Variants in MPP4 observed in about 807,000 individuals in gnomAD.
The protein encoded by MPP4 is MAGUK p55 scaffold protein 4, also known as MAGUK p55 subfamily member 4.
A neutral mutation model predicts 98.3 loss-of-function variants in MPP4; 91 were observed. That is an observed-to-expected ratio of 0.93 (90% CI 0.78 to 1.10). MPP4 has a LOEUF of 1.10. Among genes scored for constraint, MPP4 ranks in the 50% least tolerant of loss-of-function variants. MPP4 has a pLI of 0.00. For synonymous variants in MPP4, 261 were observed against 271.8 expected (o/e 0.96, Z 0.39); for missense variants, 744 against 792.9 (o/e 0.94, Z 0.74).
rs1234858483 is a variant in MPP4 at position 201,645,342 on chromosome 2, A to G, written c.1782T>C (p.Phe594=). 1 of 1,613,982 alleles carries G rather than the reference A, an allele frequency of 6.2e-7. No homozygotes were observed. The highest frequency in any genetic ancestry group is 8.5e-7 in the Non-Finnish European group (1 of 1,179,880). ...TGTCATTCACAATCACATGATCAAA[A>G]AATTGGCCAAACTGAGTTTCCATTC... ...AQRMETQFGQ[F]FDHVIVNDSL... Residue 594 remains phenylalanine, a synonymous_variant, in exon 22 of 22, where the codon TTT becomes TTC. Transcript: ENST00000409474.
intron 18 of MPP4, among the ~76,000 whole-genome samples, chr2:201,654,330 A>G (rs777878893): frequency 6.6e-6 from 1 of 152,230 alleles, no homozygotes; most frequent in Non-Finnish European, 1.5e-5. Flanking sequence ...TCATAAATTT[A>G]TATAAAGTTG....
chr2:201,656,026 A>G (rs1687836397), intron 17 of MPP4, among the ~76,000 whole-genome samples, 172 bp downstream of exon 17: 4 of 152,262 alleles, frequency 2.6e-5, no homozygotes, highest in Admixed American at 2.6e-4. Flanking sequence ...GCTTGATACA[A>G]TAAAATGTTA....
At chr2:201,672,098 A>G (rs899799956) in intron 11 of MPP4, among the ~76,000 whole-genome samples, 1 of 152,246 alleles carries the variant, frequency 6.6e-6, no homozygotes, top group Non-Finnish European at 1.5e-5. Context: ...AAACTCACTC[A>G]AAACCGTACA....
At chr2:201,677,537 AC>A (rs1472651856) in intron 10 of MPP4, among the ~76,000 whole-genome samples, 2 of 152,192 alleles carry the variant, frequency 1.3e-5, no homozygotes, top group African/African-American at 4.8e-5. Context: ...CAAAACCAAA[AC>A]AAAACCCCCC....
intron 6 of MPP4, among the ~76,000 whole-genome samples, chr2:201,685,526 C>A (rs932891792): frequency 2.0e-5 from 3 of 152,186 alleles, no homozygotes; most frequent in Non-Finnish European, 4.4e-5. Flanking sequence ...ATTAGAGGGA[C>A]TGTTCTTAGA....
At chr2:201,659,878 A>G (rs1687976231) in intron 15 of MPP4, among the ~76,000 whole-genome samples, 1 of 152,230 alleles carries the variant, frequency 6.6e-6, no homozygotes, top group South Asian at 2.1e-4. Flanking sequence ...TTGTTAATAG[A>G]ATGAACTGAC....
intron 18 of MPP4, among the ~76,000 whole-genome samples, chr2:201,652,576 AACTG>A (rs1291582895): frequency 2.0e-5 from 3 of 152,252 alleles, no homozygotes; most frequent in Non-Finnish European, 2.9e-5. Context: ...ATCCAGTCTC[AACTG>A]ACTAATTAAA....
intron 12 of MPP4, among the ~76,000 whole-genome samples, chr2:201,667,432 G>C (rs996251682): frequency 6.6e-6 from 1 of 152,140 alleles, no homozygotes; most frequent in African/African-American, 2.4e-5. Context: ...ACCATTCGGG[G>C]GTTTGCCTTC....
chr2:201,657,385 G>C (rs1392537030), intron 16 of MPP4, among the ~76,000 whole-genome samples: 1 of 152,076 alleles, frequency 6.6e-6, no homozygotes, highest in African/African-American at 2.4e-5. Flanking sequence ...CTGTTTCCAG[G>C]TGCTCTCAGT....
At chr2:201,645,463 T>C (rs1454098887) in intron 21 of MPP4, 59 bp from the exon 22 acceptor site, 23 of 1,400,218 alleles carry the variant, frequency 1.6e-5, no homozygotes, top group Admixed American at 2.1e-5. Flanking sequence ...ATGGAAAAAA[T>C]ACAGTTTGTT....
chr2:201,692,210 T>A (rs1401953785), intron 3 of MPP4, among the ~76,000 whole-genome samples: 1 of 152,178 alleles, frequency 6.6e-6, no homozygotes, highest in African/African-American at 2.4e-5. Context: ...GTTGCTATGA[T>A]CTGAATGTGT....
At position 201,693,963 on chromosome 2, in the gene MPP4, C is replaced by A; in HGVS notation, c.-9G>T. 1 of 1,613,946 alleles carries A rather than the reference C, an allele frequency of 6.2e-7. No individual in the cohort carries two copies. The highest frequency in any genetic ancestry group is 8.5e-7 in the Non-Finnish European group (1 of 1,179,840). On this transcript the variant is annotated 5_prime_UTR_variant, in exon 2 of 22. Coordinates refer to ENST00000409474, the MANE Select transcript of MPP4 (RefSeq NM_033066.3). ...TTGTCTGACTGTATCATCCTCCCTG[C>A]CGGAGCTTCTGAAAGGAATTCAGGA...
chr2:201,666,761 TA>T (rs67398292), intron 12 of MPP4: 49,069 of 151,438 alleles, frequency 0.32, 9,309 homozygotes, highest in Non-Finnish European at 0.42. Flanking sequence ...TAAATAAAAA[TA>T]AAAAAAATTC....
At chr2:201,664,399 AGGGGAAAGTGG>A in intron 13 of MPP4, 2 of 1,301,576 alleles carry the variant, frequency 1.5e-6, no homozygotes, top group Non-Finnish European at 2.0e-6. Flanking sequence ...CTCAGAGGGA[AGGGGAAAGTGG>A]AATGTCAGGG....
intron 15 of MPP4, among the ~76,000 whole-genome samples, chr2:201,658,957 C>T (rs554210894): frequency 2.0e-5 from 3 of 152,264 alleles, no homozygotes; most frequent in African/African-American, 4.8e-5. Flanking sequence ...AGTGCAATGG[C>T]ACGATCTCGG....
rs1261957280 is a variant in MPP4, at chr2:201,687,308, G to C, written c.343C>G (p.Gln115Glu). 1 of 1,578,984 alleles carries C rather than the reference G, an allele frequency of 6.3e-7. No homozygotes were observed. Among genetic ancestry groups the C allele is most frequent in the Admixed American group, 1.8e-5 (1 of 55,390 alleles). The change falls in exon 5 of 22, where the codon CAG (glutamine) becomes GAG (glutamate). Residue 115 changes from glutamine to glutamate, a missense_variant. Coordinates refer to ENST00000409474, the MANE Select transcript of MPP4 (RefSeq NM_033066.3). ...PEIQELRQML[Q>E]APHFKALLSA... is the part of the protein sequence containing the mutation. ...GCACTTGCCTTGAAGTGTGGAGCCT[G>C]GAGCATTTGTCTCAGCTCTTGGATC...
chr2:201,663,723 A>C (rs112379755), intron 14 of MPP4, among the ~76,000 whole-genome samples: 4 of 152,222 alleles, frequency 2.6e-5, no homozygotes, highest in African/African-American at 9.6e-5. Flanking sequence ...TCTCAAAATA[A>C]ATAAATAAAT....
At chr2:201,691,399 A>G (rs1689019680) in intron 3 of MPP4, among the ~76,000 whole-genome samples, 1 of 152,164 alleles carries the variant, frequency 6.6e-6, no homozygotes, top group Admixed American at 6.5e-5. Context: ...CAGAACAACA[A>G]AATTATAGTA....
In MPP4 at chr2:201,647,793, C is replaced by G. The variant is rs1288290265; in HGVS notation, c.1617G>C (p.Lys539Asn). ...ATGGCTTTATAAATATGACATAGGG[C>G]TTCAGTTCATGGGTTCGAACCCCTT... The part of the protein sequence containing the change: ...DIQGVRTHEL[K>N]PYVIFIKPSN... The change falls in exon 21 of 22, where the codon AAG becomes AAC. Residue 539 changes from lysine (K) to asparagine (N), a missense_variant. Coordinates refer to ENST00000409474, the MANE Select transcript of MPP4 (RefSeq NM_033066.3). 11 of 1,613,626 alleles carry G rather than the reference C, an allele frequency of 6.8e-6. No individual in the cohort carries two copies. The highest frequency in any genetic ancestry group is 9.3e-6 in the Non-Finnish European group (11 of 1,179,788).
Sources: gnomAD v4.1 joint callset for allele counts (sites outside exome capture counted in the v4.1 genomes callset) on GRCh38, gnomAD v4.1.1 for gene constraint, MANE v1.5 for transcripts, NCBI Gene and HGNC (gene_info 2026-07-23, HGNC 2026-07-21) for gene names.